The following NRXN1 variants were observed in gnomAD, a reference collection of about 807,000 sequenced individuals.
NRXN1 encodes the protein neurexin-1.
NRXN1 carries 39 observed loss-of-function variants against 150.9 expected under a neutral mutation model. That is an observed-to-expected ratio of 0.26 (90% CI 0.20 to 0.34). The LOEUF (loss-of-function observed/expected upper bound fraction) is 0.34, where lower values mean the gene tolerates loss of function less well. NRXN1 is among the 10% of genes least tolerant of loss of function. The pLI is 1.00. For synonymous variants in NRXN1, 924 were observed against 757.0 expected (o/e 1.22, Z -3.62); for missense variants, 1,815 against 1,949.9 (o/e 0.93, Z 1.30).
chr2:50,745,745 G>A (rs540170946), intron 5 of NRXN1, among the ~76,000 whole-genome samples: 22 of 151,968 alleles, frequency 1.4e-4, no homozygotes, highest in Admixed American at 5.2e-4. Context: ...CGATTAAAGG[G>A]GGAAGCCCCT....
At chr2:51,011,763 A>G (rs906593468) in intron 2 of NRXN1, among the ~76,000 whole-genome samples, 5 of 152,006 alleles carry the variant, frequency 3.3e-5, no homozygotes, top group Non-Finnish European at 7.4e-5. Context: ...GAGAATCTGT[A>G]TTTTATCTTT....
At position 50,231,686 on chromosome 2, in the gene NRXN1, C is replaced by A. The variant is rs562590740; in HGVS notation, c.3546+5103G>T. Among the ~76,000 whole-genome samples, 11 of 152,200 alleles carry A rather than the reference C, an allele frequency of 7.2e-5. No individual in the cohort carries two copies. The East Asian group carries it at 1.7e-3, about 24-fold the overall frequency. ...CCCTCCTCCACCCTCAGTGACATTT[C>A]CTCTGGTCAGAACCAATGCACATGT... On this transcript the variant is annotated intron_variant, in intron 18 of 22. Coordinates refer to ENST00000401669, the MANE Select transcript of NRXN1 (RefSeq NM_001330078.2).
chr2:49,926,919 T>C (rs1004878250), intron 22 of NRXN1, among the ~76,000 whole-genome samples: 3 of 152,168 alleles, frequency 2.0e-5, no homozygotes, highest in Non-Finnish European at 4.4e-5. Flanking sequence ...ACCAGCTTCT[T>C]GCACCCTCTG....
chr2:50,900,057 A>G (rs907414561), intron 5 of NRXN1, among the ~76,000 whole-genome samples: 2 of 152,210 alleles, frequency 1.3e-5, no homozygotes, highest in Non-Finnish European at 2.9e-5. Flanking sequence ...CCATAAAATA[A>G]TCAGAGAATT....
At chr2:50,312,560 T>C (rs1361760040) in intron 17 of NRXN1, among the ~76,000 whole-genome samples, 1 of 152,040 alleles carries the variant, frequency 6.6e-6, no homozygotes, top group Non-Finnish European at 1.5e-5. Flanking sequence ...CCTCTGACAA[T>C]TCAGCTTATT....
At position 50,962,088 on chromosome 2, in the gene NRXN1, G is replaced by T. The variant is rs1477020364; in HGVS notation, c.773-36133C>A. Among the ~76,000 whole-genome samples the T allele has an allele frequency of 2.1e-5, 3 of 139,658 alleles. No homozygotes were observed. In the East Asian group the frequency reaches 6.1e-4, roughly 28 times the overall value. The allele number at this position is 139,658 out of a possible 152,430, so 91.6% of individuals were successfully genotyped here. On this transcript the variant is annotated intron_variant, in intron 2 of 22. Coordinates refer to ENST00000401669, the MANE Select transcript of NRXN1 (RefSeq NM_001330078.2). ...CTTTTGCACCAATGAATGATTCTGAGACTGCTGCTGACTATTTTCCAAATT... is the reference window on the plus strand; with the variant it reads ...CTTTTGCACCAATGAATGATTCTGATACTGCTGCTGACTATTTTCCAAATT...
At chr2:50,623,239 A>C in intron 6 of NRXN1, 75 bp downstream of exon 6, 1 of 1,170,126 alleles carries the variant, frequency 8.5e-7, no homozygotes, top group Non-Finnish European at 1.2e-6. Flanking sequence ...TCATGTTGTT[A>C]GAGTATTTAA....
chr2:50,818,758 A>C (rs554584130), intron 5 of NRXN1, among the ~76,000 whole-genome samples: 8 of 152,118 alleles, frequency 5.3e-5, no homozygotes, highest in Non-Finnish European at 1.2e-4. Context: ...AAATATATGC[A>C]AACCATATAT....
intron 18 of NRXN1, among the ~76,000 whole-genome samples, chr2:50,177,216 T>C (rs1416924691): frequency 6.6e-6 from 1 of 152,116 alleles, no homozygotes; most frequent in Non-Finnish European, 1.5e-5. Flanking sequence ...TGTTGAACAT[T>C]ATACCCAATA....
chr2:50,471,698 T>C (rs182626902), intron 16 of NRXN1, among the ~76,000 whole-genome samples: 4 of 151,610 alleles, frequency 2.6e-5, no homozygotes, highest in Non-Finnish European at 3.0e-5. Context: ...CATGAACACA[T>C]AGAGGGGATC....
intron 5 of NRXN1, among the ~76,000 whole-genome samples, chr2:50,769,088 T>C (rs1256434268): frequency 6.6e-6 from 1 of 152,120 alleles, no homozygotes; most frequent in Non-Finnish European, 1.5e-5. Flanking sequence ...ATGTAAATTG[T>C]TCCTTATACA....
intron 2 of NRXN1, among the ~76,000 whole-genome samples, chr2:50,977,221 T>C (rs141774899): frequency 1.0e-3 from 153 of 152,006 alleles, no homozygotes; most frequent in African/African-American, 3.6e-3. Context: ...ATTCATTATA[T>C]AATTTTGATT....
chr2:50,032,554 G>A (rs1164989424), intron 21 of NRXN1, among the ~76,000 whole-genome samples: 1 of 152,050 alleles, frequency 6.6e-6, no homozygotes, highest in Non-Finnish European at 1.5e-5. Flanking sequence ...AGAGCTAAAA[G>A]CTGTTTCAAG....
intron 21 of NRXN1, among the ~76,000 whole-genome samples, chr2:49,961,206 T>C (rs1675876836): frequency 6.6e-6 from 1 of 151,976 alleles, no homozygotes; most frequent in Non-Finnish European, 1.5e-5. Context: ...CTGCATTTTG[T>C]TACTGACTGA....
chr2:50,452,464 C>A (rs1037059671), intron 17 of NRXN1, among the ~76,000 whole-genome samples: 1 of 152,144 alleles, frequency 6.6e-6, no homozygotes, highest in Non-Finnish European at 1.5e-5. Flanking sequence ...GGGGCCCACA[C>A]AGCTGAAGTG....
intron 18 of NRXN1, among the ~76,000 whole-genome samples, chr2:50,168,296 T>C (rs192611609): frequency 3.9e-5 from 6 of 152,336 alleles, no homozygotes; most frequent in Non-Finnish European, 1.5e-5. Context: ...TAGCATATTT[T>C]AGCAATAATT....
At chr2:49,981,136 T>A (rs57193820) in intron 21 of NRXN1, among the ~76,000 whole-genome samples, 71,889 of 151,860 alleles carry the variant, frequency 0.47, 17,684 homozygotes, top group Middle Eastern at 0.61. Flanking sequence ...TTAAATTTTC[T>A]GAGCTTTTTG....
At chr2:50,022,882 T>C (rs140491019) in intron 21 of NRXN1, 26 of 152,318 alleles carry the variant, frequency 1.7e-4, no homozygotes, top group African/African-American at 6.3e-4. Context: ...ATATCTTATA[T>C]AGTAGGTAAA....
In NRXN1 at chr2:50,160,833, T is replaced by G. The variant is rs1353984734; in HGVS notation, c.3547-69339A>C. Among the ~76,000 whole-genome samples, 4 of 152,182 alleles carry G rather than the reference T, an allele frequency of 2.6e-5. 1 individual carries two copies. The highest frequency in any genetic ancestry group is 9.6e-5 in the African/African-American group (4 of 41,464). On this transcript the variant is annotated intron_variant, in intron 18 of 22. Coordinates refer to ENST00000401669, the MANE Select transcript of NRXN1 (RefSeq NM_001330078.2). The stretch of plus-strand genomic sequence containing the variant: ...AAAAAATTCTATAATGTTTACTGTT[T>G]AATACTAAACACAACAGTGTGAGAT...
Sources: gnomAD v4.1 joint callset for allele counts (sites outside exome capture counted in the v4.1 genomes callset) on GRCh38, gnomAD v4.1.1 for gene constraint, MANE v1.5 for transcripts, NCBI Gene and HGNC (gene_info 2026-07-23, HGNC 2026-07-21) for gene names.